COL5A1: variants seen among roughly 807,000 people sequenced by gnomAD.
COL5A1 encodes collagen type V alpha 1 chain.
In COL5A1, 16 loss-of-function variants were observed where a neutral mutation model predicts 263.7. The ratio of observed to expected loss-of-function variants is 0.06; its 90% CI spans 0.04 to 0.09. COL5A1 has a LOEUF of 0.09. Among genes scored for constraint, COL5A1 ranks in the 10% least tolerant of loss-of-function variants. The probability of loss-of-function intolerance (pLI) is 1.00; values close to 1 mark genes in which losing one functional copy is unlikely to be tolerated. For missense variants in COL5A1, 2,036 were observed against 2,540.5 expected, an observed-to-expected ratio of 0.80 and a Z score of 4.27; for synonymous variants, 1,012 against 1,004.5, an observed-to-expected ratio of 1.01 and a Z score of -0.14.
At chr9:134,655,323 C>T (rs1027971457) in intron 1 of COL5A1, among the ~76,000 whole-genome samples, 8 of 151,992 alleles carry the variant, frequency 5.3e-5, no homozygotes, top group South Asian at 2.1e-4. Context: ...CCGAGGGAGG[C>T]GGAGGTGGAG....
At chr9:134,709,512 C>T (rs1202257524) in intron 4 of COL5A1, among the ~76,000 whole-genome samples, 1 of 152,202 alleles carries the variant, frequency 6.6e-6, no homozygotes, top group African/African-American at 2.4e-5. Context: ...GGACTCCTTC[C>T]TGCTGCAGGT....
intron 41 of COL5A1, among the ~76,000 whole-genome samples, chr9:134,805,486 C>T (rs916391004): frequency 5.9e-5 from 9 of 152,182 alleles, no homozygotes; most frequent in Non-Finnish European, 2.9e-5. Context: ...GCCTGTGGAG[C>T]ATGCTCCCTG....
chr9:134,706,084 CT>C (rs1833828901), intron 4 of COL5A1, among the ~76,000 whole-genome samples: 2 of 152,226 alleles, frequency 1.3e-5, no homozygotes, highest in South Asian at 4.1e-4. Flanking sequence ...CTGGCATGGG[CT>C]GTGTCTCCTA....
intron 19 of COL5A1, among the ~76,000 whole-genome samples, chr9:134,763,088 C>T (rs12555178): frequency 0.13 from 19,998 of 151,368 alleles, 2,262 homozygotes; most frequent in African/African-American, 0.29. Flanking sequence ...TGCACAGGGT[C>T]TGTGTGTCCA....
intron 36 of COL5A1, among the ~76,000 whole-genome samples, 174 bp downstream of exon 36, chr9:134,797,075 C>T (rs1362360996): frequency 9.2e-5 from 14 of 152,378 alleles, no homozygotes; most frequent in Admixed American, 7.8e-4. Context: ...GGGAGACCCC[C>T]CCACCGCCAA....
chr9:134,766,900 G>A, intron 22 of COL5A1, 100 bp from the exon 23 acceptor site: 2 of 1,185,546 alleles, frequency 1.7e-6, no homozygotes, highest in Non-Finnish European at 2.5e-6. Context: ...GTGGGGAGCA[G>A]TTTGAAAGGA....
At chr9:134,645,354 C>T (rs751413276) in intron 1 of COL5A1, among the ~76,000 whole-genome samples, 5 of 152,188 alleles carry the variant, frequency 3.3e-5, no homozygotes, top group East Asian at 1.9e-4. Flanking sequence ...CTCCCTGGAC[C>T]GCCCCATCCC....
Position 134,796,836 on chromosome 9 carries a change from C to G in COL5A1, c.2845-12C>G, listed in dbSNP as rs745667230. On this transcript the variant is annotated splice_polypyrimidine_tract_variant and intron_variant, in intron 35 of 65. Transcript: ENST00000371817. ...ACCTCTTGTCCTCAAACTGGCCTTT[C>G]TCTGTTCCCAGGGACCCAATGGACC... The G allele has an allele frequency of 5.0e-6, 8 of 1,613,970 alleles. No homozygotes were observed.
intron 1 of COL5A1, among the ~76,000 whole-genome samples, chr9:134,662,019 G>A (rs939784840): frequency 3.3e-5 from 5 of 152,050 alleles, no homozygotes; most frequent in Non-Finnish European, 5.9e-5. Flanking sequence ...ACCTGACTCT[G>A]TGCCTGTCTG....
chr9:134,663,304 A>G (rs2132500593), intron 1 of COL5A1, among the ~76,000 whole-genome samples: 1 of 152,328 alleles, frequency 6.6e-6, no homozygotes, highest in East Asian at 1.9e-4. Flanking sequence ...CTGTCCCAGA[A>G]CGTAGCACAC....
intron 1 of COL5A1, among the ~76,000 whole-genome samples, chr9:134,671,642 G>A (rs1832541637): frequency 6.6e-6 from 1 of 152,238 alleles, no homozygotes; most frequent in Admixed American, 6.5e-5. Context: ...GGATGGGTGT[G>A]AGGAACCACA....
At chr9:134,788,342 C>T (rs561909911) in intron 31 of COL5A1, among the ~76,000 whole-genome samples, 29 of 101,200 alleles carry the variant, frequency 2.9e-4, no homozygotes, top group African/African-American at 1.0e-3. Flanking sequence ...GTAGGCAAAT[C>T]GATGGATGAA....
intron 1 of COL5A1, among the ~76,000 whole-genome samples, chr9:134,643,422 C>G (rs1200457273): frequency 6.6e-6 from 1 of 152,224 alleles, no homozygotes; most frequent in Non-Finnish European, 1.5e-5. Context: ...ATGCTTCTCT[C>G]TGCTTCACGA....
intron 14 of COL5A1, 84 bp from the exon 15 acceptor site, chr9:134,753,766 G>GCCCCCCCCCAGGCCCCCCCCCCCCCCC: frequency 1.6e-6 from 1 of 615,312 alleles, no homozygotes; most frequent in East Asian, 3.7e-5. Context: ...CCCTCCCCCT[G>GCCCCCCCCCAGGCCCCCCCCCCCCCCC]CCCCTCCCCT....
intron 19 of COL5A1, among the ~76,000 whole-genome samples, chr9:134,762,727 C>G (rs950616466): frequency 6.6e-6 from 1 of 152,130 alleles, no homozygotes; most frequent in Non-Finnish European, 1.5e-5. Context: ...AGGAGCAGCT[C>G]CAGGGGCATT....
At chr9:134,764,104 T>A in intron 20 of COL5A1, among the ~76,000 whole-genome samples, 1 of 29,014 alleles carries the variant, frequency 3.4e-5, no homozygotes, top group Non-Finnish European at 6.6e-5. Context: ...CCGGGGTCAG[T>A]GTGGGGTGTC....
intron 1 of COL5A1, among the ~76,000 whole-genome samples, chr9:134,679,103 A>G (rs1442529112): frequency 6.6e-6 from 1 of 152,202 alleles, no homozygotes; most frequent in Non-Finnish European, 1.5e-5. Context: ...ATACCCTGCC[A>G]TCAGCGCTGG....
At chr9:134,768,676 G>A (rs1018552649) in intron 25 of COL5A1, among the ~76,000 whole-genome samples, 2 of 152,204 alleles carry the variant, frequency 1.3e-5, no homozygotes, top group Non-Finnish European at 2.9e-5. Flanking sequence ...AACGAGTGGC[G>A]ATTGCGCGAG....
intron 1 of COL5A1, among the ~76,000 whole-genome samples, chr9:134,658,953 GTCT>G (rs1246823925): frequency 5.9e-5 from 9 of 152,242 alleles, no homozygotes; most frequent in Non-Finnish European, 1.3e-4. Context: ...TCTGGGACTT[GTCT>G]TCTTCTGACC....
Sources: gnomAD v4.1 joint callset for allele counts (sites outside exome capture counted in the v4.1 genomes callset) on GRCh38, gnomAD v4.1.1 for gene constraint, MANE v1.5 for transcripts, NCBI Gene and HGNC (gene_info 2026-07-23, HGNC 2026-07-21) for gene names.